Variants in SIPA1L2 observed in about 807,000 individuals in gnomAD.
SIPA1L2 encodes signal-induced proliferation-associated 1-like protein 2.
In SIPA1L2, 56 loss-of-function variants were observed where a neutral mutation model predicts 163.9. That is an observed-to-expected ratio of 0.34 (90% confidence interval 0.28 to 0.43). The LOEUF (loss-of-function observed/expected upper bound fraction) is 0.43, where lower values mean the gene tolerates loss of function less well. Ranked by LOEUF, SIPA1L2 falls within the 20% of genes least tolerant of loss-of-function variation. SIPA1L2 has a pLI of 1.00. For missense variants in SIPA1L2, 1,974 were observed against 2,193.5 expected (o/e 0.90, Z 2.00); for synonymous variants, 877 against 865.7 (o/e 1.01, Z -0.23).
chr1:232,524,387 G>T (rs188829990), intron 2 of SIPA1L2, among the ~76,000 whole-genome samples: 1 of 152,136 alleles, frequency 6.6e-6, no homozygotes, highest in Non-Finnish European at 1.5e-5. Flanking sequence ...TCCCCATGCC[G>T]GTGAGGGTCT....
At chr1:232,587,066 TTA>T in intron 1 of SIPA1L2, among the ~76,000 whole-genome samples, 1 of 152,218 alleles carries the variant, frequency 6.6e-6, no homozygotes, top group Non-Finnish European at 1.5e-5. Context: ...TTTCACAACT[TTA>T]TTACTTTTAT....
chr1:232,554,552 C>T (rs1329756268), intron 2 of SIPA1L2, among the ~76,000 whole-genome samples: 1 of 150,824 alleles, frequency 6.6e-6, no homozygotes. Context: ...GTAGATTTCC[C>T]TTCAGTTTGC....
intron 2 of SIPA1L2, among the ~76,000 whole-genome samples, chr1:232,533,514 T>C (rs1391999724): frequency 6.6e-6 from 1 of 152,054 alleles, no homozygotes; most frequent in African/African-American, 2.4e-5. Context: ...AGCACCTGAG[T>C]TGAATATACT....
chr1:232,538,260 C>T (rs1657430416), intron 2 of SIPA1L2, among the ~76,000 whole-genome samples: 1 of 152,084 alleles, frequency 6.6e-6, no homozygotes, highest in African/African-American at 2.4e-5. Flanking sequence ...AGGGCATGCA[C>T]CAGAATCACT....
chr1:232,424,301 T>C (rs1400053124), intron 18 of SIPA1L2, among the ~76,000 whole-genome samples: 1 of 136,950 alleles, frequency 7.3e-6, no homozygotes, highest in African/African-American at 2.7e-5. Context: ...AAGAAGTCTA[T>C]TTTTTTTTAA....
intron 3 of SIPA1L2, among the ~76,000 whole-genome samples, chr1:232,504,356 T>C (rs1666623651): frequency 6.6e-6 from 1 of 152,034 alleles, no homozygotes; most frequent in South Asian, 2.1e-4. Context: ...CTGGCCAACA[T>C]GGCGAACCCC....
chr1:232,472,650 C>A (rs1450181852), intron 7 of SIPA1L2, among the ~76,000 whole-genome samples: 6 of 152,210 alleles, frequency 3.9e-5, no homozygotes, highest in African/African-American at 1.4e-4. Flanking sequence ...ACAATCCTTA[C>A]ACAACTTGGT....
chr1:232,463,043 G>A (rs1228081846), intron 9 of SIPA1L2, among the ~76,000 whole-genome samples: 1 of 152,038 alleles, frequency 6.6e-6, no homozygotes, highest in Admixed American at 6.5e-5. Context: ...AATTTGTGGG[G>A]CCACAAGAAA....
intron 16 of SIPA1L2, among the ~76,000 whole-genome samples, chr1:232,431,499 G>A (rs2102830633): frequency 6.6e-6 from 1 of 152,330 alleles, no homozygotes; most frequent in South Asian, 2.1e-4. Context: ...CCATCCCAGT[G>A]TGGGTGCAAG....
At chr1:232,579,011 G>T (rs1387252521) in intron 1 of SIPA1L2, among the ~76,000 whole-genome samples, 2 of 152,176 alleles carry the variant, frequency 1.3e-5, no homozygotes, top group Non-Finnish European at 2.9e-5. Flanking sequence ...CCAAGTGTGA[G>T]GGGGAAAGGT....
intron 1 of SIPA1L2, among the ~76,000 whole-genome samples, chr1:232,575,899 C>T (rs1213609564): frequency 2.6e-5 from 4 of 152,196 alleles, no homozygotes; most frequent in African/African-American, 4.8e-5. Flanking sequence ...GAAGATACCA[C>T]GCTAAGCAAA....
At chr1:232,564,234 TCGTGTGTG>T (rs1278902550) in intron 2 of SIPA1L2, among the ~76,000 whole-genome samples, 2 of 45,554 alleles carry the variant, frequency 4.4e-5, no homozygotes, top group African/African-American at 1.3e-4. Context: ...TTTTTTTTTT[TCGTGTGTG>T]TGTGTGTGTG....
intron 10 of SIPA1L2, among the ~76,000 whole-genome samples, chr1:232,446,086 A>G (rs541980337): frequency 6.6e-6 from 1 of 152,182 alleles, no homozygotes; most frequent in Non-Finnish European, 1.5e-5. Context: ...ACCTGCTAAT[A>G]CAGCCGTATG....
intron 10 of SIPA1L2, among the ~76,000 whole-genome samples, chr1:232,449,278 G>A (rs376936196): frequency 1.3e-5 from 2 of 152,056 alleles, no homozygotes; most frequent in African/African-American, 4.8e-5. Context: ...CAGCACTTTG[G>A]GGGGCCGAGG....
chr1:232,630,196 C>A (rs2102904818), upstream of SIPA1L2, among the ~76,000 whole-genome samples: 1 of 151,768 alleles, frequency 6.6e-6, no homozygotes, highest in South Asian at 2.1e-4. Flanking sequence ...GCCCGCTCTG[C>A]GGGCTCCCAT....
At chr1:232,523,064 C>T (rs1443340779) in intron 2 of SIPA1L2, among the ~76,000 whole-genome samples, 1 of 152,210 alleles carries the variant, frequency 6.6e-6, no homozygotes, top group Non-Finnish European at 1.5e-5. Context: ...TTCCCAACTA[C>T]AACTTACATT....
rs1217620296 is a variant in SIPA1L2, at chr1:232,596,365, T to C, written c.-318-22143A>G. ...AAAACTGCCCTATGTGTTTCCCACA[T>C]GTGAAACGAATTTCAAACACACACT... On this transcript the variant is annotated intron_variant, in intron 1 of 22. Coordinates refer to ENST00000674635, the MANE Select transcript of SIPA1L2 (RefSeq NM_020808.5). Among the ~76,000 whole-genome samples, 3 of 152,338 alleles carry C rather than the reference T, an allele frequency of 2.0e-5. No homozygotes were observed. In the East Asian group the frequency reaches 5.8e-4, roughly 29 times the overall value.
chr1:232,413,589 T>A (rs1234217752), intron 19 of SIPA1L2, among the ~76,000 whole-genome samples: 46 of 152,222 alleles, frequency 3.0e-4, no homozygotes, highest in Non-Finnish European at 4.4e-5. Flanking sequence ...TGCTATGAGC[T>A]GGGATAGTTC....
intron 7 of SIPA1L2, among the ~76,000 whole-genome samples, chr1:232,472,576 T>C (rs1173305831): frequency 6.6e-6 from 1 of 152,234 alleles, no homozygotes; most frequent in African/African-American, 2.4e-5. Context: ...TCGGTAAGCT[T>C]ATGCAAGTGA....
Sources: gnomAD v4.1 joint callset for allele counts (sites outside exome capture counted in the v4.1 genomes callset) on GRCh38, gnomAD v4.1.1 for gene constraint, MANE v1.5 for transcripts, NCBI Gene and HGNC (gene_info 2026-07-23, HGNC 2026-07-21) for gene names.